THSD7A: variants seen among roughly 807,000 people sequenced by gnomAD.
The protein encoded by THSD7A is thrombospondin type 1 domain containing 7A.
A neutral mutation model predicts 231.3 loss-of-function variants in THSD7A; 96 were observed. The observed-to-expected ratio is 0.41, with a 90% CI of 0.35 to 0.49. The LOEUF is 0.49. Among genes scored for constraint, THSD7A ranks in the 20% least tolerant of loss-of-function variants. The probability of loss-of-function intolerance (pLI) is 0.05; values close to 1 mark genes in which losing one functional copy is unlikely to be tolerated. For missense variants in THSD7A, 2,290 were observed against 2,070.2 expected (o/e 1.11, Z -2.06); for synonymous variants, 940 against 743.3 (o/e 1.26, Z -4.30).
At chr7:11,743,055 T>G (rs779917130) in intron 1 of THSD7A, among the ~76,000 whole-genome samples, 21 of 151,922 alleles carry the variant, frequency 1.4e-4, no homozygotes, top group Non-Finnish European at 2.8e-4. Context: ...GATTAAGGAA[T>G]CTTATAATTT....
At chr7:11,758,049 T>C (rs1026264559) in intron 1 of THSD7A, among the ~76,000 whole-genome samples, 2 of 148,298 alleles carry the variant, frequency 1.3e-5, no homozygotes, top group Admixed American at 6.7e-5. Flanking sequence ...AATGTTTCAC[T>C]TTAATCATCA....
At chr7:11,666,378 A>T (rs1289659683) in intron 1 of THSD7A, among the ~76,000 whole-genome samples, 3 of 152,094 alleles carry the variant, frequency 2.0e-5, no homozygotes, top group East Asian at 1.9e-4. Flanking sequence ...ATTTGTGGTC[A>T]TTGAACCATC....
At chr7:11,656,893 A>T (rs1782729871) in intron 1 of THSD7A, among the ~76,000 whole-genome samples, 3 of 151,870 alleles carry the variant, frequency 2.0e-5, no homozygotes, top group Non-Finnish European at 1.5e-5. Flanking sequence ...AAGGACAAAC[A>T]TTTGTTATTT....
Position 11,469,981 on chromosome 7 carries a change from G to C in THSD7A, c.2266C>G (p.Leu756Val). The C allele has an allele frequency of 1.3e-6, 2 of 1,587,948 alleles. No homozygotes were observed. Among genetic ancestry groups the C allele is most frequent in the Non-Finnish European group, 1.7e-6 (2 of 1,165,076 alleles). Residue 756 changes from leucine to valine, a missense_variant, in exon 9 of 28, where the codon CTT (leucine) becomes GTT (valine). Coordinates refer to ENST00000423059, the MANE Select transcript of THSD7A (RefSeq NM_015204.3). ...CAAGGCCTTACAGTTTCAGGTCGAA[G>C]GCTTTCAGGACATCTAGAAAGGCAA... Reference protein sequence around the residue: ...QVGPKKCPESLRPETVRPCLL... With the variant: ...QVGPKKCPESVRPETVRPCLL...
At chr7:11,629,064 G>A (rs1781567210) in intron 2 of THSD7A, among the ~76,000 whole-genome samples, 1 of 152,130 alleles carries the variant, frequency 6.6e-6, no homozygotes, top group Non-Finnish European at 1.5e-5. Context: ...CTGGATACAG[G>A]CAGGAGCCTT....
intron 1 of THSD7A, among the ~76,000 whole-genome samples, chr7:11,665,573 A>T (rs1378210816): frequency 6.6e-6 from 1 of 152,136 alleles, no homozygotes; most frequent in Non-Finnish European, 1.5e-5. Context: ...ATATTGTGAA[A>T]TAAGGGGTTT....
At chr7:11,467,087 C>G (rs937851048) in intron 9 of THSD7A, among the ~76,000 whole-genome samples, 3 of 152,098 alleles carry the variant, frequency 2.0e-5, no homozygotes, top group Non-Finnish European at 2.9e-5. Flanking sequence ...CATCTTCAGT[C>G]TCTTCTGGGA....
intron 1 of THSD7A, among the ~76,000 whole-genome samples, chr7:11,689,088 A>G (rs1011655692): frequency 6.6e-6 from 1 of 151,852 alleles, no homozygotes; most frequent in African/African-American, 2.4e-5. Context: ...ATATAGAAAA[A>G]ATATTTAAGA....
rs775493895 is a variant in THSD7A at position 11,636,304 on chromosome 7, C to A, written c.848G>T (p.Arg283Leu). 6 of 1,613,818 alleles carry A rather than the reference C, an allele frequency of 3.7e-6. No individual in the cohort carries two copies. Among genetic ancestry groups the A allele is most frequent in the Non-Finnish European group, 5.1e-6 (6 of 1,179,892 alleles). ...TACTCCTTTGCTGCGGTCCTTTTCCCGTTCTTTATTCTTCCCGCGTCTCCT... is the reference window on the plus strand; with the variant it reads ...TACTCCTTTGCTGCGGTCCTTTTCCAGTTCTTTATTCTTCCCGCGTCTCCT... ...QARRRGKNKE[R>L]EKDRSKGVKD... Residue 283 changes from arginine to leucine, a missense_variant, in exon 2 of 28, where the codon CGG (arginine) becomes CTG (leucine). Arg to Leu is a moderately radical substitution (Grantham distance 102, BLOSUM62 -2). Transcript: ENST00000423059. The surrounding 1 kb of genome is among the most constrained non-coding windows in gnomAD (Gnocchi z 10.0).
At chr7:11,732,547 G>A (rs995770112) in intron 1 of THSD7A, among the ~76,000 whole-genome samples, 2 of 151,740 alleles carry the variant, frequency 1.3e-5, no homozygotes, top group African/African-American at 4.8e-5. Context: ...ATTTTACACT[G>A]TGCCGGTATT....
chr7:11,646,812 C>A (rs957517555), intron 1 of THSD7A, among the ~76,000 whole-genome samples: 77 of 152,006 alleles, frequency 5.1e-4, no homozygotes, highest in African/African-American at 1.8e-3. Flanking sequence ...TGGATTACCC[C>A]AAAAGTAGAA....
intron 1 of THSD7A, among the ~76,000 whole-genome samples, chr7:11,724,112 T>C (rs1195308265): frequency 6.6e-6 from 1 of 151,990 alleles, no homozygotes; most frequent in Admixed American, 6.6e-5. Context: ...TGAGCTCTTA[T>C]GATATGTTAA....
chr7:11,467,054 G>A (rs1042694028), intron 9 of THSD7A, among the ~76,000 whole-genome samples: 1 of 151,950 alleles, frequency 6.6e-6, no homozygotes, highest in African/African-American at 2.4e-5. Context: ...CTACCGCTGC[G>A]CCCACTGGAA....
intron 1 of THSD7A, among the ~76,000 whole-genome samples, chr7:11,813,825 C>T (rs1006183249): frequency 7.2e-5 from 11 of 151,920 alleles, no homozygotes; most frequent in African/African-American, 2.4e-4. Flanking sequence ...AATGTAACTC[C>T]TAAGTATATA....
At chr7:11,583,200 C>T (rs749181686) in intron 4 of THSD7A, among the ~76,000 whole-genome samples, 1 of 151,776 alleles carries the variant, frequency 6.6e-6, no homozygotes, top group Non-Finnish European at 1.5e-5. Context: ...CTTTTTAAAT[C>T]TGACTCATTA....
At chr7:11,785,464 C>G (rs1454877698) in intron 1 of THSD7A, among the ~76,000 whole-genome samples, 1 of 152,034 alleles carries the variant, frequency 6.6e-6, no homozygotes, top group East Asian at 1.9e-4. Flanking sequence ...GTTGAACTAC[C>G]TTGTATTCAG....
In THSD7A at chr7:11,758,894, G is replaced by A. The variant is rs570066408; in HGVS notation, c.190+72863C>T. Among the ~76,000 whole-genome samples the A allele has an allele frequency of 2.6e-5, 4 of 152,194 alleles. No homozygotes were observed. The South Asian group carries it at 8.3e-4, about 32-fold the overall frequency. On this transcript the variant is annotated intron_variant, in intron 1 of 27. Transcript: ENST00000423059. ...AAGGACAAAACATATATGTAGCTGTGTGCCAGTAAAACTTTATTCATGAAA... is the reference window on the plus strand; with the variant it reads ...AAGGACAAAACATATATGTAGCTGTATGCCAGTAAAACTTTATTCATGAAA...
chr7:11,633,351 A>T (rs1781723286), intron 2 of THSD7A, among the ~76,000 whole-genome samples: 1 of 152,108 alleles, frequency 6.6e-6, no homozygotes, highest in Non-Finnish European at 1.5e-5. Context: ...AGTTGTCAAA[A>T]CTTTAATCCC....
chr7:11,729,234 G>T (rs1166387161), intron 1 of THSD7A, among the ~76,000 whole-genome samples: 1 of 151,746 alleles, frequency 6.6e-6, no homozygotes, highest in Non-Finnish European at 1.5e-5. Flanking sequence ...TATTGTTTTA[G>T]CTTATGAAAA....
Sources: gnomAD v4.1 joint callset for allele counts (sites outside exome capture counted in the v4.1 genomes callset) on GRCh38, gnomAD v4.1.1 for gene constraint, Gnocchi (gnomAD v3.1) non-coding constraint, MANE v1.5 for transcripts, NCBI Gene and HGNC (gene_info 2026-07-23, HGNC 2026-07-21) for gene names.